The following PDE4B variants were observed in gnomAD, a reference collection of about 807,000 sequenced individuals.
PDE4B encodes the protein 3',5'-cyclic-AMP phosphodiesterase 4B.
A neutral mutation model predicts 82.2 loss-of-function variants in PDE4B; 20 were observed. That is an observed-to-expected ratio of 0.24 (90% CI 0.17 to 0.35). PDE4B has a LOEUF of 0.35. PDE4B is among the 10% of genes least tolerant of loss of function. The probability of loss-of-function intolerance (pLI) is 1.00; values close to 1 mark genes in which losing one functional copy is unlikely to be tolerated. For missense variants in PDE4B, 655 were observed against 907.2 expected (o/e 0.72, Z 3.57); for synonymous variants, 320 against 318.9 (o/e 1.00, Z -0.04).
intron 1 of PDE4B, among the ~76,000 whole-genome samples, chr1:65,900,011 T>C (rs1431638553): frequency 1.3e-5 from 2 of 152,022 alleles, no homozygotes; most frequent in African/African-American, 4.8e-5. Flanking sequence ...ACACCACCTG[T>C]TCCCCCAATA....
intron 8 of PDE4B, among the ~76,000 whole-genome samples, chr1:66,353,134 C>T (rs185062495): frequency 7.9e-5 from 12 of 152,232 alleles, no homozygotes; most frequent in East Asian, 1.9e-4. Context: ...GTCTTTAAAA[C>T]GAAATAATTT....
chr1:66,000,949 A>G (rs1651832977), intron 3 of PDE4B, among the ~76,000 whole-genome samples: 1 of 152,200 alleles, frequency 6.6e-6, no homozygotes, highest in Non-Finnish European at 1.5e-5. Flanking sequence ...GGTCAGAACA[A>G]AGCAACATGG....
intron 3 of PDE4B, among the ~76,000 whole-genome samples, chr1:66,242,776 G>T (rs886520308): frequency 6.6e-6 from 1 of 152,126 alleles, no homozygotes; most frequent in Non-Finnish European, 1.5e-5. Context: ...TAAGGCTTCA[G>T]TTATGTTTCT....
intron 1 of PDE4B, among the ~76,000 whole-genome samples, chr1:65,872,817 A>G (rs980048814): frequency 9.2e-5 from 14 of 152,214 alleles, no homozygotes; most frequent in Non-Finnish European, 1.6e-4. Context: ...TCTTTCACAT[A>G]TATCATCTCA....
At chr1:66,102,087 G>A (rs552613808) in intron 3 of PDE4B, among the ~76,000 whole-genome samples, 9 of 152,158 alleles carry the variant, frequency 5.9e-5, no homozygotes, top group African/African-American at 1.9e-4. Context: ...TATTAAATAG[G>A]GAATCCTTTC....
chr1:65,939,747 A>G (rs1311712543), intron 3 of PDE4B, among the ~76,000 whole-genome samples: 4 of 152,170 alleles, frequency 2.6e-5, no homozygotes, highest in African/African-American at 9.6e-5. Flanking sequence ...TGTAATTTAT[A>G]TGCAAGGAAA....
chr1:66,195,389 A>G (rs977687032), intron 3 of PDE4B, among the ~76,000 whole-genome samples: 23 of 152,168 alleles, frequency 1.5e-4, no homozygotes, highest in Admixed American at 1.4e-3. Flanking sequence ...AACATGACTA[A>G]AAGGAGTCTT....
At chr1:66,141,143 TCATTTATTAAA>T (rs946197625) in intron 3 of PDE4B, among the ~76,000 whole-genome samples, 1 of 151,746 alleles carries the variant, frequency 6.6e-6, no homozygotes, top group Non-Finnish European at 1.5e-5. Flanking sequence ...TACTCTTCAA[TCATTTATTAAA>T]CATTTATTGA....
At chr1:65,831,825 A>C (rs1024428048) in intron 1 of PDE4B, among the ~76,000 whole-genome samples, 1 of 152,202 alleles carries the variant, frequency 6.6e-6, no homozygotes, top group Admixed American at 6.5e-5. Flanking sequence ...CCACTGATGA[A>C]TATCTAGAGC....
chr1:66,305,130 G>A (rs758128702), intron 7 of PDE4B, among the ~76,000 whole-genome samples: 1 of 152,126 alleles, frequency 6.6e-6, no homozygotes, highest in Non-Finnish European at 1.5e-5. Context: ...GATAAGGAGT[G>A]ACTGGAAAGC....
At chr1:66,124,942 T>TGTGTGC (rs773102404) in intron 3 of PDE4B, among the ~76,000 whole-genome samples, 1 of 151,494 alleles carries the variant, frequency 6.6e-6, no homozygotes, top group African/African-American at 2.4e-5. Flanking sequence ...TGTGTGTGTG[T>TGTGTGC]GCCCTGCGAT....
chr1:65,823,652 G>T (rs1193531190), intron 1 of PDE4B, among the ~76,000 whole-genome samples: 1 of 152,056 alleles, frequency 6.6e-6, no homozygotes, highest in Non-Finnish European at 1.5e-5. Context: ...AGTTCTGACT[G>T]ATCATCTAAC....
At chr1:65,823,095 C>T (rs913115596) in intron 1 of PDE4B, among the ~76,000 whole-genome samples, 1 of 152,036 alleles carries the variant, frequency 6.6e-6, no homozygotes, top group African/African-American at 2.4e-5. Context: ...TGTTCATCTG[C>T]ATTTTAAAAA....
chr1:65,953,536 A>T (rs922996328), intron 3 of PDE4B, among the ~76,000 whole-genome samples: 2 of 152,110 alleles, frequency 1.3e-5, no homozygotes, highest in African/African-American at 4.8e-5. Context: ...GGTAGTGGGC[A>T]GTCTCTAGAA....
At chr1:66,283,958 C>T (rs1003054880) in intron 7 of PDE4B, among the ~76,000 whole-genome samples, 1 of 152,112 alleles carries the variant, frequency 6.6e-6, no homozygotes, top group Non-Finnish European at 1.5e-5. Context: ...AAGCACCTGG[C>T]GAGTACTCAC....
chr1:66,328,292 T>C (rs1281075549), intron 7 of PDE4B, among the ~76,000 whole-genome samples: 1 of 152,184 alleles, frequency 6.6e-6, no homozygotes, highest in Non-Finnish European at 1.5e-5. Context: ...TTCTCCCTAC[T>C]TCTTCCCTCT....
At chr1:66,009,637 A>G (rs1489578676) in intron 3 of PDE4B, among the ~76,000 whole-genome samples, 1 of 152,050 alleles carries the variant, frequency 6.6e-6, no homozygotes, top group Non-Finnish European at 1.5e-5. Context: ...AGGATTTCTT[A>G]TCAAGACCTC....
chr1:65,919,427 A>G (rs1647199928), intron 3 of PDE4B, among the ~76,000 whole-genome samples: 2 of 152,302 alleles, frequency 1.3e-5, no homozygotes, highest in Middle Eastern at 3.4e-3. Context: ...TAATCTTACA[A>G]TTGTGGTTAT....
At chr1:65,831,230 A>G (rs1646078192) in intron 1 of PDE4B, among the ~76,000 whole-genome samples, 2 of 152,274 alleles carry the variant, frequency 1.3e-5, no homozygotes, top group African/African-American at 4.8e-5. Flanking sequence ...TAAATTCAAT[A>G]GACAAAATTA....
Sources: gnomAD v4.1 joint callset for allele counts (sites outside exome capture counted in the v4.1 genomes callset) on GRCh38, gnomAD v4.1.1 for gene constraint, MANE v1.5 for transcripts, NCBI Gene and HGNC (gene_info 2026-07-23, HGNC 2026-07-21) for gene names.